SCRN1: variants seen among roughly 807,000 people sequenced by gnomAD.
The protein encoded by SCRN1 is secernin 1, also known as secernin-1.
A neutral mutation model predicts 43.3 loss-of-function variants in SCRN1; 19 were observed. That is an observed-to-expected ratio of 0.44 (90% CI 0.31 to 0.64). SCRN1 has a LOEUF of 0.64. SCRN1 is among the 30% of genes least tolerant of loss of function. The pLI, the probability that SCRN1 is intolerant of heterozygous loss-of-function variation, is 0.09. For synonymous variants in SCRN1, 183 were observed against 188.9 expected (o/e 0.97, Z 0.26); for missense variants, 447 against 524.1 (o/e 0.85, Z 1.44).
intron 1 of SCRN1, 33 bp downstream of exon 1, chr7:29,989,609 T>C (rs1583708859): frequency 7.1e-6 from 7 of 985,502 alleles, no homozygotes; most frequent in African/African-American, 1.7e-5. Context: ...AAAGCAGCGC[T>C]GCAAACGCCC....
intron 5 of SCRN1, among the ~76,000 whole-genome samples, chr7:29,940,131 A>G (rs896242431): frequency 5.3e-5 from 8 of 152,216 alleles, no homozygotes; most frequent in African/African-American, 1.7e-4. Context: ...AACACACTTG[A>G]GTGTAGACAA....
chr7:29,943,422 A>G (rs1787623771), intron 4 of SCRN1, among the ~76,000 whole-genome samples: 1 of 152,176 alleles, frequency 6.6e-6, no homozygotes, highest in Non-Finnish European at 1.5e-5. Context: ...CAGCAAATTT[A>G]TGGGCACTAA....
At chr7:29,960,318 G>A (rs1236625281) in intron 2 of SCRN1, among the ~76,000 whole-genome samples, 3 of 151,708 alleles carry the variant, frequency 2.0e-5, no homozygotes, top group Non-Finnish European at 2.9e-5. Context: ...CCCAAATCAT[G>A]AAAGTTATAT....
intron 1 of SCRN1, among the ~76,000 whole-genome samples, chr7:29,973,814 G>A (rs1788732400): frequency 1.3e-5 from 2 of 152,190 alleles, no homozygotes. Context: ...ATATGGGCAA[G>A]GGGTATGCAT....
At chr7:29,982,653 A>G (rs1394807471) in intron 1 of SCRN1, among the ~76,000 whole-genome samples, 3 of 144,662 alleles carry the variant, frequency 2.1e-5, no homozygotes, top group Non-Finnish European at 4.5e-5. Context: ...ACTGCACTGC[A>G]GCCTGGACAA....
intron 4 of SCRN1, among the ~76,000 whole-genome samples, chr7:29,941,640 G>C (rs1787561375): frequency 6.6e-6 from 1 of 152,186 alleles, no homozygotes; most frequent in Non-Finnish European, 1.5e-5. Context: ...AAAAATAGAA[G>C]TGTGACTAAA....
intron 3 of SCRN1, among the ~76,000 whole-genome samples, chr7:29,945,863 G>C (rs1165752218): frequency 6.6e-6 from 1 of 152,152 alleles, no homozygotes; most frequent in Middle Eastern, 3.2e-3. Flanking sequence ...TCAGGTGGCA[G>C]GAACACAGGA....
At chr7:29,968,262 A>C (rs1788558750) in intron 2 of SCRN1, among the ~76,000 whole-genome samples, 1 of 152,202 alleles carries the variant, frequency 6.6e-6, no homozygotes, top group African/African-American at 2.4e-5. Context: ...GTTAACTATG[A>C]TACATCCATA....
intron 1 of SCRN1, among the ~76,000 whole-genome samples, chr7:29,973,305 T>C (rs1329867348): frequency 6.6e-6 from 1 of 152,240 alleles, no homozygotes; most frequent in Admixed American, 6.5e-5. Flanking sequence ...GAATCCTTTG[T>C]GTACTTGTCT....
intron 1 of SCRN1, among the ~76,000 whole-genome samples, chr7:29,972,803 G>A (rs1788706187): frequency 6.6e-6 from 1 of 152,188 alleles, no homozygotes; most frequent in Non-Finnish European, 1.5e-5. Flanking sequence ...TGATGGAAAT[G>A]TTGTATGTCC....
At chr7:29,949,352 A>G (rs1173377139) in intron 3 of SCRN1, among the ~76,000 whole-genome samples, 1 of 150,468 alleles carries the variant, frequency 6.6e-6, no homozygotes, top group African/African-American at 2.4e-5. Context: ...AACAACCAGA[A>G]AGTAATTTCC....
upstream of SCRN1, chr7:29,990,002 C>T: frequency 1.4e-6 from 2 of 1,438,524 alleles, no homozygotes; most frequent in Non-Finnish European, 9.1e-7. Flanking sequence ...TATCTCGCCG[C>T]AGAAAGTGGC....
At chr7:29,925,100 C>A (rs1392310789) in intron 7 of SCRN1, among the ~76,000 whole-genome samples, 1 of 152,170 alleles carries the variant, frequency 6.6e-6, no homozygotes, top group Non-Finnish European at 1.5e-5. Flanking sequence ...AACATAAGCA[C>A]TATCAGGAAC....
chr7:29,984,174 C>T (rs943505892), intron 1 of SCRN1, among the ~76,000 whole-genome samples: 1 of 143,732 alleles, frequency 7.0e-6, no homozygotes, highest in Non-Finnish European at 1.5e-5. Flanking sequence ...CCACTGCACT[C>T]CAGCCTGGGC....
At chr7:29,987,834 T>G (rs1216174011) in intron 1 of SCRN1, among the ~76,000 whole-genome samples, 2 of 152,184 alleles carry the variant, frequency 1.3e-5, no homozygotes, top group Admixed American at 6.5e-5. Flanking sequence ...ATATATGATC[T>G]TGGCGTCCAT....
In SCRN1 at chr7:29,922,917, A is replaced by C. The variant is rs140368381; in HGVS notation, c.*1040T>G. 6.6e-6 allele frequency: 1 copy of C among 152,320 alleles called. No individual in the cohort carries two copies. Among genetic ancestry groups the C allele is most frequent in the Admixed American group, 6.5e-5 (1 of 15,300 alleles). 9.4% of individuals were successfully genotyped at this position (152,320 alleles called of 1,614,324 possible). ...ATCCTTTAAGTGAACCCGACATTGG[A>C]AACAAATCAGTTTAATTAAAGTCTC... On this transcript the variant is annotated 3_prime_UTR_variant, in exon 8 of 8. Transcript: ENST00000242059.
At chr7:29,949,891 G>C (rs1231558894) in intron 3 of SCRN1, among the ~76,000 whole-genome samples, 1 of 152,210 alleles carries the variant, frequency 6.6e-6, no homozygotes. Flanking sequence ...GCCCAGGCTG[G>C]TCTTGAACTC....
At chr7:29,968,026 C>T (rs2128097385) in intron 2 of SCRN1, among the ~76,000 whole-genome samples, 1 of 152,222 alleles carries the variant, frequency 6.6e-6, no homozygotes, top group African/African-American at 2.4e-5. Flanking sequence ...TACCTTGTGA[C>T]CCAGCAATTT....
At chr7:29,932,625 C>T (rs1787194219) in intron 6 of SCRN1, among the ~76,000 whole-genome samples, 1 of 112,630 alleles carries the variant, frequency 8.9e-6, no homozygotes, top group South Asian at 3.2e-4. Flanking sequence ...GCACTCCAGC[C>T]TAGGTAACAG....
Sources: gnomAD v4.1 joint callset for allele counts (sites outside exome capture counted in the v4.1 genomes callset) on GRCh38, gnomAD v4.1.1 for gene constraint, MANE v1.5 for transcripts, NCBI Gene and HGNC (gene_info 2026-07-23, HGNC 2026-07-21) for gene names.